Variants in MSRA observed in about 807,000 individuals in gnomAD.
MSRA encodes methionine sulfoxide reductase A, also known as mitochondrial peptide methionine sulfoxide reductase.
A neutral mutation model predicts 31.3 loss-of-function variants in MSRA; 54 were observed. The ratio of observed to expected loss-of-function variants is 1.73; its 90% CI spans 1.39 to 2.17. The LOEUF (loss-of-function observed/expected upper bound fraction) is 2.17, where lower values mean the gene tolerates loss of function less well. MSRA is among the 30% of genes most tolerant of loss of function. MSRA has a pLI of 0.00. For missense variants in MSRA, 507 were observed against 300.9 expected, an observed-to-expected ratio of 1.69 and a Z score of -5.07; for synonymous variants, 169 against 116.5, an observed-to-expected ratio of 1.45 and a Z score of -2.90.
chr8:10,226,430 T>C (rs1273040602), intron 2 of MSRA, among the ~76,000 whole-genome samples: 1 of 152,182 alleles, frequency 6.6e-6, no homozygotes, highest in African/African-American at 2.4e-5. Context: ...ATCTGGGACC[T>C]CTTTCCCACA....
chr8:10,080,473 G>C (rs1488019555), intron 1 of MSRA, among the ~76,000 whole-genome samples: 1 of 152,070 alleles, frequency 6.6e-6, no homozygotes, highest in Non-Finnish European at 1.5e-5. Context: ...CTGCACATGG[G>C]CCTTGTGCTT....
intron 3 of MSRA, among the ~76,000 whole-genome samples, chr8:10,251,411 T>G (rs1008318247): frequency 6.6e-6 from 1 of 152,142 alleles, no homozygotes; most frequent in Non-Finnish European, 1.5e-5. Flanking sequence ...TCAGTCTTAT[T>G]GTACTCATTT....
intron 4 of MSRA, among the ~76,000 whole-genome samples, chr8:10,314,648 T>C (rs899496039): frequency 6.6e-6 from 1 of 152,218 alleles, no homozygotes; most frequent in South Asian, 2.1e-4. Flanking sequence ...ATTCTATTTC[T>C]AGGTATGTAC....
intron 1 of MSRA, among the ~76,000 whole-genome samples, chr8:10,088,333 A>T (rs1798676114): frequency 6.6e-6 from 1 of 152,210 alleles, no homozygotes; most frequent in African/African-American, 2.4e-5. Context: ...CTCTTCTGGG[A>T]ATATAGCTAA....
intron 3 of MSRA, among the ~76,000 whole-genome samples, chr8:10,259,969 C>A (rs1798387250): frequency 6.6e-6 from 1 of 152,348 alleles, no homozygotes; most frequent in East Asian, 1.9e-4. Context: ...CCTCTGAGGA[C>A]CTCAACACAG....
At chr8:10,095,146 A>G (rs1799067040) in intron 1 of MSRA, among the ~76,000 whole-genome samples, 1 of 152,262 alleles carries the variant, frequency 6.6e-6, no homozygotes, top group South Asian at 2.1e-4. Flanking sequence ...AGGAAAAGCA[A>G]GTCTTATAAA....
At chr8:10,072,579 G>A (rs988397418) in intron 1 of MSRA, among the ~76,000 whole-genome samples, 1 of 152,068 alleles carries the variant, frequency 6.6e-6, no homozygotes, top group Non-Finnish European at 1.5e-5. Context: ...TGTTTTAGCT[G>A]TTCTAAGGTC....
chr8:10,165,411 G>A (rs1002766834), intron 1 of MSRA, among the ~76,000 whole-genome samples: 14 of 152,122 alleles, frequency 9.2e-5, no homozygotes, highest in African/African-American at 2.2e-4. Flanking sequence ...CCCAAGCTTA[G>A]GCCAGAACAG....
At chr8:10,151,982 A>G (rs1803719817) in intron 1 of MSRA, among the ~76,000 whole-genome samples, 1 of 152,154 alleles carries the variant, frequency 6.6e-6, no homozygotes, top group Non-Finnish European at 1.5e-5. Context: ...TGGCCAATTT[A>G]TTGCGTCTGT....
At chr8:10,268,779 C>A (rs896276280) in intron 3 of MSRA, among the ~76,000 whole-genome samples, 1 of 152,222 alleles carries the variant, frequency 6.6e-6, no homozygotes, top group Non-Finnish European at 1.5e-5. Context: ...TAATAGAACA[C>A]ATTACACCAT....
intron 5 of MSRA, among the ~76,000 whole-genome samples, chr8:10,349,695 T>C (rs1195839205): frequency 2.0e-5 from 3 of 152,204 alleles, no homozygotes; most frequent in African/African-American, 7.2e-5. Flanking sequence ...GCTCCTCGAT[T>C]GGAAAGCAAG....
At chr8:10,244,842 A>G (rs1797530994) in intron 2 of MSRA, among the ~76,000 whole-genome samples, 1 of 152,090 alleles carries the variant, frequency 6.6e-6, no homozygotes, top group African/African-American at 2.4e-5. Flanking sequence ...GTGTAGATTT[A>G]CTAACTCCTT....
chr8:10,058,324 T>C (rs1351150143), intron 1 of MSRA, among the ~76,000 whole-genome samples: 1 of 152,084 alleles, frequency 6.6e-6, no homozygotes, highest in Non-Finnish European at 1.5e-5. Flanking sequence ...AAAGTACAAA[T>C]ATACAAAATA....
rs190547999 is a variant in MSRA at position 10,381,349 on chromosome 8, C to T, written c.544-46799C>T. ...TCCGTACCTCCTCTTGCTTGTTTCA[C>T]CCTGAGTAATTAGCCAGGAAGTTTT... On this transcript the variant is annotated intron_variant, in intron 5 of 5. Coordinates refer to ENST00000317173, the MANE Select transcript of MSRA (RefSeq NM_012331.5). 4.1e-4 allele frequency among the ~76,000 whole-genome samples: 62 copies of T among 152,290 alleles called. 1 individual carries two copies. The highest frequency in any genetic ancestry group is 1.6e-4 in the Non-Finnish European group (11 of 68,028).
At chr8:10,235,412 G>C (rs1395298962) in intron 2 of MSRA, among the ~76,000 whole-genome samples, 2 of 152,040 alleles carry the variant, frequency 1.3e-5, no homozygotes, top group Non-Finnish European at 2.9e-5. Flanking sequence ...ACAAACCTTA[G>C]AGGTTAAAAA....
intron 2 of MSRA, among the ~76,000 whole-genome samples, chr8:10,208,946 A>G (rs1226280240): frequency 6.6e-6 from 1 of 152,210 alleles, no homozygotes; most frequent in Non-Finnish European, 1.5e-5. Context: ...CTGAAGTTAG[A>G]TTGTTCCCTT....
chr8:10,313,175 C>T (rs897205225), intron 4 of MSRA, among the ~76,000 whole-genome samples: 10 of 152,330 alleles, frequency 6.6e-5, no homozygotes, highest in African/African-American at 1.4e-4. Context: ...TGCTTCCAGA[C>T]CTGGCTCAGA....
chr8:10,166,621 C>A (rs1805148947), intron 1 of MSRA, among the ~76,000 whole-genome samples: 1 of 152,170 alleles, frequency 6.6e-6, no homozygotes. Context: ...TTGTCTCATT[C>A]TTCAGCTTTG....
chr8:10,340,458 C>T (rs147818026), intron 5 of MSRA, among the ~76,000 whole-genome samples: 26,518 of 152,292 alleles, frequency 0.17, 3,118 homozygotes, highest in Non-Finnish European at 0.26. Flanking sequence ...CTGCAACCTT[C>T]GCCTCCCGGC....
Sources: allele counts gnomAD v4.1 joint callset (sites outside exome capture counted in the v4.1 genomes callset), GRCh38; gene constraint gnomAD v4.1.1; transcripts MANE v1.5; gene names NCBI Gene and HGNC (gene_info 2026-07-23, HGNC 2026-07-21).